The following OR1M1 variants were observed in gnomAD, a reference collection of about 807,000 sequenced individuals.
OR1M1 encodes olfactory receptor family 1 subfamily M member 1.
For synonymous variants in OR1M1, 157 were observed against 165.5 expected (o/e 0.95, Z 0.39); for missense variants, 397 against 401.8 (o/e 0.99, Z 0.10).
In OR1M1 at chr19:9,089,208, T is replaced by C. The variant is rs1294420641; in HGVS notation, c.-14+2051T>C. Among the ~76,000 whole-genome samples, 5 of 152,244 alleles carry C rather than the reference T, an allele frequency of 3.3e-5. No homozygotes were observed. In the South Asian group the frequency reaches 1.0e-3, roughly 32 times the overall value. On this transcript the variant is annotated intron_variant, in intron 1 of 1. Coordinates refer to ENST00000641627, the MANE Select transcript of OR1M1 (RefSeq NM_001004456.2). ...CCTATCTGCCCCCTCCCTCTACCCT[T>C]CCCAGACTCTAGTATCCTCTGTTCT...
At position 9,094,381 on chromosome 19, in the gene OR1M1, TTCTC is replaced by T. The variant is rs1202060417; in HGVS notation, c.*201_*204del. ...ATCATAGATCACTGCAGCTTCAAAC[TTCTC>T]TCTCTGTGTGCATTGTTTTACTAGA... On this transcript the variant is annotated 3_prime_UTR_variant, in exon 2 of 2. Coordinates refer to ENST00000641627, the MANE Select transcript of OR1M1 (RefSeq NM_001004456.2). 1.0e-5 allele frequency: 5 copies of T among 491,892 alleles called. No homozygotes were observed. The East Asian group carries it at 1.6e-4, about 16-fold the overall frequency. The allele number at this position is 491,892 out of a possible 1,614,324, so 30.5% of individuals were successfully genotyped here. A position where few individuals can be genotyped will look rare whatever the true frequency, so the allele number is the denominator to read the frequency against.
In OR1M1 at chr19:9,094,213, G is replaced by A. The variant is rs1263047548; in HGVS notation, c.*27G>A. 6.9e-7 allele frequency: 1 copy of A among 1,441,784 alleles called. No individual in the cohort carries two copies. The allele number at this position is 1,441,784 out of a possible 1,614,324, so 89.3% of individuals were successfully genotyped here. A position where few individuals can be genotyped will look rare whatever the true frequency, so the allele number is the denominator to read the frequency against. On this transcript the variant is annotated 3_prime_UTR_variant, in exon 2 of 2. Coordinates refer to ENST00000641627, the MANE Select transcript of OR1M1 (RefSeq NM_001004456.2). ...CACCAGGACTCAGGAACTTCTGGGGGGTAGAATATATACATCTGGGAGTCT... is the reference window on the plus strand; with the variant it reads ...CACCAGGACTCAGGAACTTCTGGGGAGTAGAATATATACATCTGGGAGTCT...
At chr19:9,089,004 C>T (rs1356962808) in intron 1 of OR1M1, among the ~76,000 whole-genome samples, 1 of 152,080 alleles carries the variant, frequency 6.6e-6, no homozygotes, top group Non-Finnish European at 1.5e-5. Flanking sequence ...GGGTAATTAG[C>T]ACATCTATTA....
chr19:9,094,104 C>T lies in OR1M1; in HGVS notation c.860C>T (p.Pro287Leu), dbSNP rs1369128875. 3.1e-6 allele frequency: 5 copies of T among 1,613,788 alleles called. No homozygotes were observed. Among genetic ancestry groups the T allele is most frequent in the Admixed American group, 3.3e-5 (2 of 59,964 alleles). ...ACAGCAGTCACCCCCATGCTGAATCCCTTCATCTACAGCTTGAGGAACAGA... is the reference window on the plus strand; with the variant it reads ...ACAGCAGTCACCCCCATGCTGAATCTCTTCATCTACAGCTTGAGGAACAGA... Reference protein sequence around the residue: ...MYTAVTPMLNPFIYSLRNRDL... With the variant: ...MYTAVTPMLNLFIYSLRNRDL... Residue 287 changes from proline to leucine, a missense_variant, in exon 2 of 2, where the codon CCC becomes CTC. Transcript: ENST00000641627.
chr19:9,093,601 T>C lies in OR1M1; in HGVS notation c.357T>C (p.Ala119=). The C allele has an allele frequency of 6.2e-7, 1 of 1,614,150 alleles. No individual in the cohort carries two copies. Among genetic ancestry groups the C allele is most frequent in the Non-Finnish European group, 8.5e-7 (1 of 1,180,002 alleles). ...IVDSVIIAMM[A]YDRFVAICHP... ...ACAGCGTCATAATCGCCATGATGGC[T>C]TATGACCGGTTCGTGGCCATCTGCC... is the stretch of plus-strand genomic sequence containing the variant. The change falls in exon 2 of 2, where the codon GCT becomes GCC. Residue 119 remains alanine (A), a synonymous_variant. Transcript: ENST00000641627.
Position 9,088,334 on chromosome 19 carries a change from A to T in OR1M1, c.-14+1177A>T, listed in dbSNP as rs113729702. On this transcript the variant is annotated intron_variant, in intron 1 of 1. Transcript: ENST00000641627. ...ATTCCCAAGTATTCCAGGCTGAGAG[A>T]TCTTAGACACAGAGTGCAGAGGTCC... Among the ~76,000 whole-genome samples, 1,377 of 152,196 alleles carry T rather than the reference A, an allele frequency of 9.0e-3. 23 individuals carry two copies. The highest frequency in any genetic ancestry group is 0.031 in the African/African-American group (1,269 of 41,556).
chr19:9,091,966 G>A (rs902093673), intron 1 of OR1M1, among the ~76,000 whole-genome samples: 9 of 151,490 alleles, frequency 5.9e-5, no homozygotes, highest in African/African-American at 2.2e-4. Flanking sequence ...CTGGAGTACC[G>A]TGGTGTGATC....
At chr19:9,089,314 G>A (rs2050280463) in intron 1 of OR1M1, among the ~76,000 whole-genome samples, 1 of 151,740 alleles carries the variant, frequency 6.6e-6, no homozygotes, top group Admixed American at 6.6e-5. Flanking sequence ...TTCTGTTCCT[G>A]GCTTATTTCA....
chr19:9,089,630 G>A (rs1039955191), intron 1 of OR1M1, among the ~76,000 whole-genome samples: 17 of 151,994 alleles, frequency 1.1e-4, no homozygotes, highest in African/African-American at 3.6e-4. Context: ...TCACCATGTC[G>A]GCCAGGCTGG....
intron 1 of OR1M1, among the ~76,000 whole-genome samples, chr19:9,089,282 T>TTCTC (rs1188898710): frequency 6.6e-6 from 1 of 152,124 alleles, no homozygotes; most frequent in Non-Finnish European, 1.5e-5. Context: ...CACATGTGAG[T>TTCTC]GAGAACATGC....
intron 1 of OR1M1, among the ~76,000 whole-genome samples, chr19:9,091,777 G>A (rs2050294518): frequency 6.6e-6 from 1 of 152,126 alleles, no homozygotes; most frequent in Admixed American, 6.6e-5. Flanking sequence ...TCAAACACAG[G>A]TATCTGGAAG....
chr19:9,093,614 G>A lies in OR1M1; in HGVS notation c.370G>A (p.Val124Met), dbSNP rs148262558. ...IIAMMAYDRF[V>M]AICHPLHYAK... Reference sequence around the variant, plus strand: ...CGCCATGATGGCTTATGACCGGTTCGTGGCCATCTGCCACCCATTGCACTA... The same window carrying A: ...CGCCATGATGGCTTATGACCGGTTCATGGCCATCTGCCACCCATTGCACTA... The change falls in exon 2 of 2, where the codon GTG becomes ATG. Residue 124 changes from valine (V) to methionine (M), a missense_variant. By Grantham distance (21) the Val-to-Met change is conservative (BLOSUM62 1). Transcript: ENST00000641627. The A allele has an allele frequency of 2.0e-5, 32 of 1,614,104 alleles. No individual in the cohort carries two copies. Among genetic ancestry groups the A allele is most frequent in the Admixed American group, 1.0e-4 (6 of 60,008 alleles).
At chr19:9,087,719 G>A (rs1049225746) in intron 1 of OR1M1, among the ~76,000 whole-genome samples, 1 of 152,056 alleles carries the variant, frequency 6.6e-6, no homozygotes, top group African/African-American at 2.4e-5. Flanking sequence ...GAAAGTACTG[G>A]AATTCACTGT....
At chr19:9,088,914 C>A (rs549981006) in intron 1 of OR1M1, among the ~76,000 whole-genome samples, 1 of 151,638 alleles carries the variant, frequency 6.6e-6, no homozygotes, top group East Asian at 1.9e-4. Context: ...ACTCTGACTC[C>A]TTTTAAAATG....
chr19:9,087,256 C>G (rs2050269799), intron 1 of OR1M1, 99 bp downstream of exon 1: 1 of 152,020 alleles, frequency 6.6e-6, no homozygotes, highest in African/African-American at 2.4e-5. Context: ...CTGGAAGATT[C>G]TTTTTTATTA....
chr19:9,093,161 A>T, intron 1 of OR1M1, 71 bp from the exon 2 acceptor site: 1 of 824,052 alleles, frequency 1.2e-6, no homozygotes, highest in African/African-American at 1.7e-5. Flanking sequence ...GAGAACTGGG[A>T]TGTGATCGCA....
rs560891702 is a variant in OR1M1 at position 9,093,079 on chromosome 19, TACACACACACAC to T, written c.-13-133_-13-122del. 57 of 406,694 alleles carry T rather than the reference TACACACACACAC, an allele frequency of 1.4e-4. No homozygotes were observed. The East Asian group carries it at 1.6e-3, about 11-fold the overall frequency. 25.2% of individuals were successfully genotyped at this position (406,694 alleles called of 1,614,324 possible). On this transcript the variant is annotated intron_variant, in intron 1 of 1. Coordinates refer to ENST00000641627, the MANE Select transcript of OR1M1 (RefSeq NM_001004456.2). ...CACACACACATATATATTCTATATA[TACACACACACAC>T]ACACACACACACACACACATATATA...
Position 9,093,759 on chromosome 19 carries a change from A to G in OR1M1, c.515A>G (p.His172Arg), listed in dbSNP as rs769583135. ...GCCCGTCTCGTTTTCTGCGGCAGCC[A>G]TGAGGTGCCTCACTACTTCTGCGAC... ...LMARLVFCGSHEVPHYFCDLT... is the reference protein window; with the variant it reads ...LMARLVFCGSREVPHYFCDLT... Residue 172 changes from histidine (H) to arginine (R), a missense_variant, in exon 2 of 2, where the codon CAT becomes CGT. His to Arg is a conservative substitution (Grantham distance 29, BLOSUM62 0). Coordinates refer to ENST00000641627, the MANE Select transcript of OR1M1 (RefSeq NM_001004456.2). 1.4e-5 allele frequency: 22 copies of G among 1,613,758 alleles called. No individual in the cohort carries two copies. The highest frequency in any genetic ancestry group is 5.0e-5 in the Admixed American group (3 of 59,988).
At chr19:9,093,035 C>A (rs200511599) in intron 1 of OR1M1, 197 bp from the exon 2 acceptor site, 9,987 of 294,268 alleles carry the variant, frequency 0.034, 154 homozygotes, top group East Asian at 0.059. Context: ...CTCTCTCTCT[C>A]TCTATATATA....
Sources: allele counts gnomAD v4.1 joint callset (sites outside exome capture counted in the v4.1 genomes callset), GRCh38; gene constraint gnomAD v4.1.1; transcripts MANE v1.5; gene names NCBI Gene and HGNC (gene_info 2026-07-23, HGNC 2026-07-21).